Variants in TNIP3 observed in about 807,000 individuals in gnomAD.
TNIP3 encodes TNFAIP3-interacting protein 3.
In TNIP3, 34 loss-of-function variants were observed where a neutral mutation model predicts 54.1. The ratio of observed to expected loss-of-function variants is 0.63; its 90% CI spans 0.48 to 0.84. The LOEUF (loss-of-function observed/expected upper bound fraction) is 0.84. Among genes scored for constraint, TNIP3 ranks in the 40% least tolerant of loss-of-function variants. The pLI is 0.00. For missense variants in TNIP3, 366 were observed against 387.6 expected (o/e 0.94, Z 0.47); for synonymous variants, 134 against 136.8 (o/e 0.98, Z 0.14).
At chr4:121,194,444 TG>T (rs1725459556) in intron 2 of TNIP3, among the ~76,000 whole-genome samples, 2 of 152,238 alleles carry the variant, frequency 1.3e-5, no homozygotes, top group Non-Finnish European at 2.9e-5. Flanking sequence ...CATTTCATTA[TG>T]TAGCAGGAAC....
chr4:121,183,705 T>C (rs993380927), intron 2 of TNIP3, among the ~76,000 whole-genome samples: 1 of 152,020 alleles, frequency 6.6e-6, no homozygotes, highest in Non-Finnish European at 1.5e-5. Context: ...GAACTGCACA[T>C]GTGAGGGGTC....
chr4:121,222,703 T>A (rs1727077942), intron 1 of TNIP3, among the ~76,000 whole-genome samples: 1 of 152,178 alleles, frequency 6.6e-6, no homozygotes, highest in African/African-American at 2.4e-5. Context: ...AGAAAGCGAT[T>A]TTTATGGGAC....
At chr4:121,137,917 G>A in intron 10 of TNIP3, 1 of 456,054 alleles carries the variant, frequency 2.2e-6, no homozygotes, top group South Asian at 1.5e-5. Context: ...TACTTGATGA[G>A]AATAGAAGTG....
intron 2 of TNIP3, among the ~76,000 whole-genome samples, chr4:121,194,596 C>T (rs943133028): frequency 2.0e-5 from 3 of 152,028 alleles, no homozygotes; most frequent in Non-Finnish European, 2.9e-5. Context: ...ACTGCGATGG[C>T]GTATTCTAGC....
At chr4:121,151,608 T>A (rs1464746853) in intron 5 of TNIP3, among the ~76,000 whole-genome samples, 1 of 152,084 alleles carries the variant, frequency 6.6e-6, no homozygotes, top group Non-Finnish European at 1.5e-5. Flanking sequence ...TTTTTTTCAA[T>A]TGGTGAATAG....
At chr4:121,183,917 T>C (rs577976616) in intron 2 of TNIP3, among the ~76,000 whole-genome samples, 1 of 152,040 alleles carries the variant, frequency 6.6e-6, no homozygotes, top group African/African-American at 2.4e-5. Flanking sequence ...TATATTACAA[T>C]ATAATAATAA....
At chr4:121,191,646 G>A (rs1725316731) in intron 2 of TNIP3, among the ~76,000 whole-genome samples, 2 of 152,134 alleles carry the variant, frequency 1.3e-5, no homozygotes, top group African/African-American at 2.4e-5. Context: ...ACAGTTCCAA[G>A]TTGTGACATT....
In TNIP3 at chr4:121,132,343, G is replaced by A. The variant is rs1728522608; in HGVS notation, c.*288C>T. On this transcript the variant is annotated 3_prime_UTR_variant, in exon 11 of 11. Transcript: ENST00000057513. The stretch of plus-strand genomic sequence containing the variant: ...ATTTTTGTGCATCCAACAGCAATAT[G>A]CTGAAGAGATTTTCAGGGAGTCGTG... The A allele has an allele frequency of 5.1e-6, 2 of 393,792 alleles. No individual in the cohort carries two copies. 24.4% of individuals were successfully genotyped at this position (393,792 alleles called of 1,614,324 possible).
rs1728535074 is a variant in TNIP3, at chr4:121,132,573, G to T, written c.*58C>A. On this transcript the variant is annotated 3_prime_UTR_variant, in exon 11 of 11. Transcript: ENST00000057513. ...AACAAGCCTCAGTATAAACAAAGAA[G>T]AGGGTCCTCAGCCACGCTCCCTCGT... 7.9e-6 allele frequency: 12 copies of T among 1,515,754 alleles called. No homozygotes were observed. The highest frequency in any genetic ancestry group is 1.7e-4 in the Middle Eastern group (1 of 5,872). 93.9% of individuals were successfully genotyped at this position (1,515,754 alleles called of 1,614,324 possible). A position where few individuals can be genotyped will look rare whatever the true frequency, so the allele number is the denominator to read the frequency against.
At chr4:121,134,446 T>C (rs1728660807) in intron 10 of TNIP3, among the ~76,000 whole-genome samples, 1 of 152,354 alleles carries the variant, frequency 6.6e-6, no homozygotes, top group Middle Eastern at 3.4e-3. Context: ...TGAAACAAGA[T>C]GAAAATGTTC....
chr4:121,222,815 T>TTGTTTG (rs909671791), intron 1 of TNIP3, among the ~76,000 whole-genome samples: 5 of 145,054 alleles, frequency 3.4e-5, no homozygotes, highest in African/African-American at 1.3e-4. Flanking sequence ...TTTTTTTTTT[T>TTGTTTG]TTTTTTTTGA....
intron 10 of TNIP3, chr4:121,137,914 T>C (rs1471922023): frequency 2.2e-6 from 1 of 455,834 alleles, no homozygotes; most frequent in Non-Finnish European, 4.4e-6. Context: ...GTATACTTGA[T>C]GAGAATAGAA....
At chr4:121,145,314 C>T (rs957130334) in intron 7 of TNIP3, among the ~76,000 whole-genome samples, 2 of 152,064 alleles carry the variant, frequency 1.3e-5, no homozygotes, top group African/African-American at 2.4e-5. Context: ...AATGATTGAG[C>T]TTTCATTATT....
upstream of TNIP3, chr4:121,164,402 G>A (rs758983220): frequency 1.8e-5 from 21 of 1,157,146 alleles, no homozygotes; most frequent in Non-Finnish European, 2.2e-5. Context: ...CAAATAGGCA[G>A]GCCGTGACTA....
intron 1 of TNIP3, among the ~76,000 whole-genome samples, chr4:121,161,702 G>A (rs568463970): frequency 2.6e-5 from 4 of 152,192 alleles, no homozygotes; most frequent in African/African-American, 4.8e-5. Flanking sequence ...CAAAATCATC[G>A]AGAAAAAGAC....
intron 2 of TNIP3, among the ~76,000 whole-genome samples, chr4:121,160,172 A>AT (rs1730360932): frequency 6.6e-6 from 1 of 152,040 alleles, no homozygotes; most frequent in Non-Finnish European, 1.5e-5. Context: ...TGTAGTACAC[A>AT]GAATGAATTA....
intron 2 of TNIP3, among the ~76,000 whole-genome samples, chr4:121,209,025 A>T (rs1443517389): frequency 6.6e-6 from 1 of 152,210 alleles, no homozygotes; most frequent in Non-Finnish European, 1.5e-5. Flanking sequence ...AAATACTCTT[A>T]AAAAATTTAT....
chr4:121,164,452 G>A (rs1399427565), upstream of TNIP3: 9 of 643,780 alleles, frequency 1.4e-5, no homozygotes, highest in South Asian at 1.1e-4. Flanking sequence ...TATGTAAATC[G>A]TCATTCTTCC....
At chr4:121,205,523 C>T (rs574125272) in intron 2 of TNIP3, among the ~76,000 whole-genome samples, 74 of 152,206 alleles carry the variant, frequency 4.9e-4, no homozygotes, top group African/African-American at 1.6e-3. Flanking sequence ...GGAAAGATCA[C>T]TCTCGTTGGT....
Sources: gnomAD v4.1 joint callset for allele counts (sites outside exome capture counted in the v4.1 genomes callset) on GRCh38, gnomAD v4.1.1 for gene constraint, MANE v1.5 for transcripts, NCBI Gene and HGNC (gene_info 2026-07-23, HGNC 2026-07-21) for gene names.